The following THAP4 variants were observed in gnomAD, a reference collection of about 807,000 sequenced individuals.
The protein encoded by THAP4 is peroxynitrite isomerase THAP4.
Under a neutral mutation model 48.1 loss-of-function variants are expected in THAP4, and 18 were observed. That is an observed-to-expected ratio of 0.37 (90% CI 0.26 to 0.56). The LOEUF (loss-of-function observed/expected upper bound fraction) is 0.56. Among genes scored for constraint, THAP4 ranks in the 20% least tolerant of loss-of-function variants. THAP4 has a pLI of 0.78. For missense variants in THAP4, 656 were observed against 774.9 expected, an observed-to-expected ratio of 0.85 and a Z score of 1.82; for synonymous variants, 345 against 324.9, an observed-to-expected ratio of 1.06 and a Z score of -0.66.
In THAP4 at chr2:241,636,966, C is replaced by T. The variant is rs1228751718; in HGVS notation, c.52G>A (p.Glu18Lys). Residue 18 changes from glutamate to lysine, a missense_variant, in exon 1 of 6, where the codon GAG (glutamate) becomes AAG (lysine). Transcript: ENST00000407315. ...CTGTGGAAGGAGACGGCGCGCTTCT[C>T]GCCCTTTCCCTGCCGGTTGGAGCAG... ...VNCSNRQGKG[E>K]KRAVSFHRFP... 2 of 1,316,462 alleles carry T rather than the reference C, an allele frequency of 1.5e-6. No homozygotes were observed. Among genetic ancestry groups the T allele is most frequent in the Non-Finnish European group, 2.0e-6 (2 of 1,009,590 alleles). The allele number at this position is 1,316,462 out of a possible 1,614,324, so 81.5% of individuals were successfully genotyped here.
intron 2 of THAP4, among the ~76,000 whole-genome samples, chr2:241,631,943 A>G (rs955399275): frequency 9.5e-5 from 14 of 147,958 alleles, no homozygotes; most frequent in African/African-American, 3.3e-4. Context: ...TTTGTCACGC[A>G]GGCTGACAAA....
rs899003983 is a variant in THAP4, at chr2:241,612,071, A to C, written c.1241-5598T>G. Among the ~76,000 whole-genome samples, 5 of 152,162 alleles carry C rather than the reference A, an allele frequency of 3.3e-5. No individual in the cohort carries two copies. The highest frequency in any genetic ancestry group is 4.1e-4 in the South Asian group (2 of 4,828). On this transcript the variant is annotated intron_variant, in intron 2 of 5. Transcript: ENST00000407315. This position sits in a 1 kb window ranked among gnomAD's most constrained non-coding sequence, Gnocchi z 4.1. ...GCTCCATGAAGAAAGACCACTAACT[A>C]AACATGTAAGAACTCAGGAGAGAAA... is the stretch of plus-strand genomic sequence containing the variant.
intron 1 of THAP4, among the ~76,000 whole-genome samples, chr2:241,636,041 A>G (rs1054529439): frequency 2.0e-5 from 3 of 152,142 alleles, no homozygotes; most frequent in African/African-American, 7.2e-5. Context: ...CCTCGTTTTC[A>G]AAAAACAATA....
intron 2 of THAP4, among the ~76,000 whole-genome samples, chr2:241,627,149 G>GT (rs2067504182): frequency 1.3e-5 from 2 of 152,206 alleles, no homozygotes; most frequent in Admixed American, 1.3e-4. Flanking sequence ...GTGTGGGTAT[G>GT]TGTGTCTCAA....
At position 241,601,997 on chromosome 2, in the gene THAP4, C is replaced by G. The variant is rs146928309; in HGVS notation, c.1513G>C (p.Val505Leu). The G allele has an allele frequency of 1.2e-6, 2 of 1,611,064 alleles. No homozygotes were observed. Among genetic ancestry groups the G allele is most frequent in the Non-Finnish European group, 1.7e-6 (2 of 1,179,378 alleles). The change falls in exon 5 of 6, where the codon GTG becomes CTG. Residue 505 changes from valine (V) to leucine (L), a missense_variant and splice_region_variant. Val to Leu is a conservative substitution (Grantham distance 32, BLOSUM62 1). Coordinates refer to ENST00000407315, the MANE Select transcript of THAP4 (RefSeq NM_015963.6). This position sits in a 1 kb window ranked among gnomAD's most constrained non-coding sequence, Gnocchi z 4.0. Reference protein sequence around the residue: ...VAFVSAQNTGVVEVEEGEVNG... With the variant: ...VAFVSAQNTGLVEVEEGEVNG... ...ACCTCGCCCTCCTCCACTTCCACCA[C>G]GCCTGCAAGGGAAGGGCAGTCAGCT... is the stretch of plus-strand genomic sequence containing the variant.
At chr2:241,596,761 G>C (rs1023818562) in intron 5 of THAP4, among the ~76,000 whole-genome samples, 1 of 151,722 alleles carries the variant, frequency 6.6e-6, no homozygotes, top group Admixed American at 6.6e-5. Context: ...AGCCGAGACT[G>C]CACCACTGCA....
At chr2:241,614,131 G>A (rs1375271600) in intron 2 of THAP4, among the ~76,000 whole-genome samples, 5 of 150,966 alleles carry the variant, frequency 3.3e-5, no homozygotes, top group African/African-American at 1.2e-4. Flanking sequence ...TCCAGTCTGG[G>A]CAACTGGAGA....
At chr2:241,591,125 G>A (rs972342052) in intron 5 of THAP4, among the ~76,000 whole-genome samples, 4 of 102,962 alleles carry the variant, frequency 3.9e-5, no homozygotes, top group African/African-American at 7.7e-5. Flanking sequence ...GACGATGATG[G>A]GCACTAGGAC....
At chr2:241,635,151 G>A (rs2067619546) in intron 1 of THAP4, among the ~76,000 whole-genome samples, 1 of 152,204 alleles carries the variant, frequency 6.6e-6, no homozygotes, top group Non-Finnish European at 1.5e-5. Flanking sequence ...TGGGAGCCGT[G>A]GCTCATGCCT....
chr2:241,588,952 C>T (rs1433765097), intron 5 of THAP4, among the ~76,000 whole-genome samples: 2 of 152,108 alleles, frequency 1.3e-5, no homozygotes, highest in Non-Finnish European at 2.9e-5. Flanking sequence ...TGGTGGCTCA[C>T]GCCTGTCATC....
At position 241,610,249 on chromosome 2, in the gene THAP4, G is replaced by C. The variant is rs1408911796; in HGVS notation, c.1241-3776C>G. On this transcript the variant is annotated intron_variant, in intron 2 of 5. Transcript: ENST00000407315. The surrounding 1 kb of genome is among the most constrained non-coding windows in gnomAD (Gnocchi z 4.2). ...CGCCGCAAGTCCTGCCTCTGCTCCCGGGCGGCCCCCTCCAGCCTCCGCCGG... is the reference window on the plus strand; with the variant it reads ...CGCCGCAAGTCCTGCCTCTGCTCCCCGGCGGCCCCCTCCAGCCTCCGCCGG... 6.6e-6 allele frequency among the ~76,000 whole-genome samples: 1 copy of C among 152,166 alleles called. No individual in the cohort carries two copies. Among genetic ancestry groups the C allele is most frequent in the Non-Finnish European group, 1.5e-5 (1 of 68,020 alleles).
rs373698550 is a variant in THAP4 at position 241,607,934 on chromosome 2, C to T, written c.1241-1461G>A. On this transcript the variant is annotated intron_variant, in intron 2 of 5. Coordinates refer to ENST00000407315, the MANE Select transcript of THAP4 (RefSeq NM_015963.6). ...GGACAGGATCAGGACTGACCCCCGG[C>T]GTCTCCTCCAGGCCCGCAAAAGCAG... Among the ~76,000 whole-genome samples the T allele has an allele frequency of 6.8e-3, 889 of 131,454 alleles. 19 individuals are homozygous for T. The highest frequency in any genetic ancestry group is 0.025 in the African/African-American group (835 of 33,374). 86.2% of individuals were successfully genotyped at this position (131,454 alleles called of 152,430 possible).
At chr2:241,591,424 C>A (rs889177631) in intron 5 of THAP4, among the ~76,000 whole-genome samples, 7 of 152,200 alleles carry the variant, frequency 4.6e-5, no homozygotes, top group Non-Finnish European at 1.0e-4. Context: ...AAACTGCACA[C>A]TTGAAGTGTA....
intron 2 of THAP4, among the ~76,000 whole-genome samples, chr2:241,626,572 T>G (rs111855115): frequency 0.017 from 2,506 of 149,802 alleles, 68 homozygotes; most frequent in African/African-American, 0.058. Context: ...CAGTTTTTGT[T>G]TTTTTTTTTT....
At chr2:241,602,076 A>G in intron 4 of THAP4, 77 bp from the exon 5 acceptor site, 1 of 1,445,880 alleles carries the variant, frequency 6.9e-7, no homozygotes, top group Non-Finnish European at 9.4e-7. Context: ...CCTTGCCTGC[A>G]AGCCGGGACT....
In THAP4 at chr2:241,626,657, G is replaced by A. The variant is rs535769044; in HGVS notation, c.1240+6260C>T. Among the ~76,000 whole-genome samples the A allele has an allele frequency of 9.6e-4, 146 of 151,590 alleles. 2 individuals carry two copies. In the South Asian group the frequency reaches 0.017, roughly 18 times the overall value. On this transcript the variant is annotated intron_variant, in intron 2 of 5. Coordinates refer to ENST00000407315, the MANE Select transcript of THAP4 (RefSeq NM_015963.6). Reference sequence around the variant, plus strand: ...CGACTCACTGCAACCTCCACCTCCCGGGTTCAAGTGATCCTCCTGCCTCAG... The same window carrying A: ...CGACTCACTGCAACCTCCACCTCCCAGGTTCAAGTGATCCTCCTGCCTCAG...
At chr2:241,628,208 C>A (rs937224267) in intron 2 of THAP4, among the ~76,000 whole-genome samples, 1 of 151,714 alleles carries the variant, frequency 6.6e-6, no homozygotes, top group African/African-American at 2.4e-5. Context: ...ACCCCTCAGC[C>A]TTCCCCTGGA....
intron 2 of THAP4, among the ~76,000 whole-genome samples, chr2:241,627,040 A>G (rs2067502556): frequency 6.6e-6 from 1 of 152,198 alleles, no homozygotes; most frequent in Admixed American, 6.5e-5. Context: ...ATTTATTAAC[A>G]GATTGTTTTT....
chr2:241,604,580 AT>A (rs779548030), intron 3 of THAP4, among the ~76,000 whole-genome samples: 1 of 150,040 alleles, frequency 6.7e-6, no homozygotes, highest in Non-Finnish European at 1.5e-5. Flanking sequence ...GTATTTTTGT[AT>A]TTTTTTTTAG....
Sources: gnomAD v4.1 joint callset for allele counts (sites outside exome capture counted in the v4.1 genomes callset) on GRCh38, gnomAD v4.1.1 for gene constraint, Gnocchi (gnomAD v3.1) non-coding constraint, MANE v1.5 for transcripts, NCBI Gene and HGNC (gene_info 2026-07-23, HGNC 2026-07-21) for gene names.